The following SLC24A3 variants were observed in gnomAD, a reference collection of about 807,000 sequenced individuals.
SLC24A3 encodes sodium/potassium/calcium exchanger 3.
In SLC24A3, 28 loss-of-function variants were observed where a neutral mutation model predicts 75.8. The observed-to-expected ratio is 0.37, with a 90% confidence interval of 0.27 to 0.51. SLC24A3 has a LOEUF of 0.51. SLC24A3 is among the 20% of genes least tolerant of loss of function. The probability of loss-of-function intolerance (pLI) is 0.94; values close to 1 mark genes in which losing one functional copy is unlikely to be tolerated. For synonymous variants in SLC24A3, 372 were observed against 334.1 expected (o/e 1.11, Z -1.24); for missense variants, 663 against 847.8 (o/e 0.78, Z 2.71).
At chr20:19,413,859 T>C (rs573813437) in intron 2 of SLC24A3, among the ~76,000 whole-genome samples, 1 of 151,964 alleles carries the variant, frequency 6.6e-6, no homozygotes, top group Non-Finnish European at 1.5e-5. Context: ...TATAATGTTA[T>C]CTCATGAGCA....
chr20:19,631,755 T>G (rs967936165), intron 6 of SLC24A3, among the ~76,000 whole-genome samples: 1 of 151,874 alleles, frequency 6.6e-6, no homozygotes, highest in Non-Finnish European at 1.5e-5. Context: ...CCATCATAAG[T>G]TGGGGACTAT....
chr20:19,424,794 A>T (rs1350208810), intron 2 of SLC24A3, among the ~76,000 whole-genome samples: 1 of 151,054 alleles, frequency 6.6e-6, no homozygotes, highest in East Asian at 1.9e-4. Context: ...TCTCTAGGAG[A>T]AAAAGACATT....
intron 3 of SLC24A3, among the ~76,000 whole-genome samples, chr20:19,578,123 G>C (rs750113498): frequency 6.6e-6 from 1 of 152,168 alleles, no homozygotes; most frequent in Non-Finnish European, 1.5e-5. Flanking sequence ...TGCCACAGAG[G>C]CTTCATGAAG....
At chr20:19,287,670 G>A (rs1983848997) in intron 2 of SLC24A3, among the ~76,000 whole-genome samples, 1 of 152,178 alleles carries the variant, frequency 6.6e-6, no homozygotes, top group African/African-American at 2.4e-5. Flanking sequence ...TTCACCTTGT[G>A]GGGGTCATCA....
intron 3 of SLC24A3, among the ~76,000 whole-genome samples, chr20:19,566,239 A>C (rs1308981081): frequency 6.6e-6 from 1 of 152,220 alleles, no homozygotes; most frequent in Admixed American, 6.5e-5. Context: ...AAATCAAGAG[A>C]TTGTATCTAG....
chr20:19,237,070 C>T (rs866606902), intron 1 of SLC24A3, among the ~76,000 whole-genome samples: 4 of 152,190 alleles, frequency 2.6e-5, no homozygotes, highest in Non-Finnish European at 4.4e-5. Flanking sequence ...GAAATGATGA[C>T]AATGAGAAAT....
chr20:19,529,340 C>T (rs912769208), intron 3 of SLC24A3, among the ~76,000 whole-genome samples: 1 of 152,120 alleles, frequency 6.6e-6, no homozygotes, highest in African/African-American at 2.4e-5. Context: ...CAAACCTGTT[C>T]GTCTCTTAGC....
At chr20:19,648,167 GA>G (rs1385693404) in intron 6 of SLC24A3, among the ~76,000 whole-genome samples, 3 of 152,144 alleles carry the variant, frequency 2.0e-5, no homozygotes, top group African/African-American at 7.2e-5. Context: ...CCTGTGGGAG[GA>G]AAAACCCACA....
intron 15 of SLC24A3, 152 bp downstream of exon 15, chr20:19,698,832 C>G (rs570746245): frequency 1.5e-6 from 1 of 661,584 alleles, no homozygotes; most frequent in East Asian, 2.8e-5. Flanking sequence ...AAAGGCCTTA[C>G]TAGTCAGGCT....
intron 2 of SLC24A3, among the ~76,000 whole-genome samples, chr20:19,340,495 C>T (rs190430641): frequency 3.9e-4 from 59 of 152,316 alleles, no homozygotes; most frequent in Non-Finnish European, 6.8e-4. Context: ...TAGTTTTTGA[C>T]AGCATCCCTA....
chr20:19,713,651 T>A (rs1470572297), intron 15 of SLC24A3, among the ~76,000 whole-genome samples: 2 of 152,028 alleles, frequency 1.3e-5, no homozygotes, highest in Non-Finnish European at 2.9e-5. Context: ...AGTAAGCTAT[T>A]GTTCAGTGAT....
chr20:19,543,889 T>A (rs2030544209), intron 3 of SLC24A3, among the ~76,000 whole-genome samples: 1 of 152,228 alleles, frequency 6.6e-6, no homozygotes. Context: ...CATTCCATAA[T>A]GTACACCCTG....
intron 2 of SLC24A3, among the ~76,000 whole-genome samples, chr20:19,337,923 CA>C: frequency 6.6e-6 from 1 of 152,172 alleles, no homozygotes; most frequent in South Asian, 2.1e-4. Flanking sequence ...AGGGTGGTGG[CA>C]GGGGTGGCAC....
intron 14 of SLC24A3, among the ~76,000 whole-genome samples, chr20:19,697,956 A>C (rs1055053845): frequency 1.3e-5 from 2 of 152,194 alleles, no homozygotes; most frequent in African/African-American, 4.8e-5. Flanking sequence ...TAATTTATCA[A>C]AAAAGAGCTC....
chr20:19,571,413 G>C (rs2031049842), intron 3 of SLC24A3, among the ~76,000 whole-genome samples: 1 of 152,090 alleles, frequency 6.6e-6, no homozygotes, highest in Non-Finnish European at 1.5e-5. Context: ...CAATATCTCA[G>C]CAAGTGGATA....
chr20:19,330,738 G>A (rs1041634459), intron 2 of SLC24A3, among the ~76,000 whole-genome samples: 7 of 152,134 alleles, frequency 4.6e-5, no homozygotes, highest in African/African-American at 1.7e-4. Context: ...CAAAATCCAT[G>A]GGAAAGTTTT....
At chr20:19,471,558 G>T (rs1270641598) in intron 2 of SLC24A3, among the ~76,000 whole-genome samples, 2 of 152,112 alleles carry the variant, frequency 1.3e-5, no homozygotes, top group Non-Finnish European at 2.9e-5. Context: ...TATTTCTGTG[G>T]TATAAATACC....
intron 3 of SLC24A3, among the ~76,000 whole-genome samples, chr20:19,534,194 G>A (rs369633867): frequency 0.012 from 1,759 of 152,366 alleles, 44 homozygotes; most frequent in African/African-American, 0.04. Flanking sequence ...AGTTACTGCC[G>A]TGTGGTTTGT....
At chr20:19,562,414 G>A (rs1212654329) in intron 3 of SLC24A3, among the ~76,000 whole-genome samples, 1 of 152,132 alleles carries the variant, frequency 6.6e-6, no homozygotes, top group Non-Finnish European at 1.5e-5. Context: ...CTGATGTCCA[G>A]GTACCAAGGT....
Sources: gnomAD v4.1 joint callset for allele counts (sites outside exome capture counted in the v4.1 genomes callset) on GRCh38, gnomAD v4.1.1 for gene constraint, MANE v1.5 for transcripts, NCBI Gene and HGNC (gene_info 2026-07-23, HGNC 2026-07-21) for gene names.